The following RFX4 variants were observed in gnomAD, a reference collection of about 807,000 sequenced individuals.
RFX4 encodes regulatory factor X4, also known as transcription factor RFX4.
In RFX4, 10 loss-of-function variants were observed where a neutral mutation model predicts 95.0. The observed-to-expected ratio is 0.11, with a 90% CI of 0.06 to 0.18. The LOEUF (loss-of-function observed/expected upper bound fraction) is 0.18, where lower values mean the gene tolerates loss of function less well. Ranked by LOEUF, RFX4 falls within the 10% of genes least tolerant of loss-of-function variation. RFX4 has a pLI of 1.00. For missense variants in RFX4, 640 were observed against 922.0 expected (o/e 0.69, Z 3.96); for synonymous variants, 321 against 340.7 (o/e 0.94, Z 0.64).
chr12:106,623,125 G>A (rs1393722541), intron 2 of RFX4, among the ~76,000 whole-genome samples: 2 of 143,620 alleles, frequency 1.4e-5, no homozygotes, highest in East Asian at 2.1e-4. Flanking sequence ...TGCAAGCTCC[G>A]CCTCCCGGGT....
chr12:106,657,910 A>G (rs1253931167), intron 4 of RFX4, among the ~76,000 whole-genome samples: 1 of 152,088 alleles, frequency 6.6e-6, no homozygotes, highest in Non-Finnish European at 1.5e-5. Flanking sequence ...CTATATATAG[A>G]TATATAGCTA....
At chr12:106,640,725 G>A (rs906969157) in intron 3 of RFX4, among the ~76,000 whole-genome samples, 2 of 151,342 alleles carry the variant, frequency 1.3e-5, no homozygotes, top group East Asian at 1.9e-4. Context: ...ATGAGGCATC[G>A]ATGTAAAGGA....
intron 8 of RFX4, among the ~76,000 whole-genome samples, chr12:106,698,448 T>A (rs1244158228): frequency 7.3e-5 from 11 of 150,304 alleles, no homozygotes; most frequent in South Asian, 2.1e-4. Context: ...CTGGCTAATT[T>A]AAAAAAAAAA....
At chr12:106,584,111 T>C (rs2039417266) in intron 1 of RFX4, among the ~76,000 whole-genome samples, 1 of 31,462 alleles carries the variant, frequency 3.2e-5, no homozygotes, top group South Asian at 1.2e-3. Flanking sequence ...CAAGAGCTGC[T>C]GGGCGTCAGT....
chr12:106,690,948 T>C (rs922246708), intron 7 of RFX4, among the ~76,000 whole-genome samples: 7 of 152,220 alleles, frequency 4.6e-5, no homozygotes, highest in African/African-American at 1.7e-4. Context: ...TTTCATTTCA[T>C]TTGCTTAATT....
rs183593033 is a variant in RFX4 at position 106,630,585 on chromosome 12, G to A, written c.131-8747G>A. 4.6e-4 allele frequency among the ~76,000 whole-genome samples: 70 copies of A among 152,326 alleles called. 3 individuals are homozygous for A. The East Asian group carries it at 0.011, about 23-fold the overall frequency. The stretch of plus-strand genomic sequence containing the variant: ...CGAGGCAAATGAGGGGAAATGAAAC[G>A]TTTGGCAGCCCCATGTTCCCAACAG... On this transcript the variant is annotated intron_variant, in intron 2 of 17. Transcript: ENST00000392842.
At chr12:106,729,240 T>C (rs534304967) in intron 13 of RFX4, among the ~76,000 whole-genome samples, 1 of 152,354 alleles carries the variant, frequency 6.6e-6, no homozygotes, top group East Asian at 1.9e-4. Flanking sequence ...TCTATCCATG[T>C]TGACTTTAGA....
chr12:106,698,633 T>C (rs1443200657), intron 8 of RFX4, among the ~76,000 whole-genome samples: 1 of 152,130 alleles, frequency 6.6e-6, no homozygotes, highest in Non-Finnish European at 1.5e-5. Context: ...CATAATGTCT[T>C]TCTCTTATTT....
intron 4 of RFX4, among the ~76,000 whole-genome samples, chr12:106,660,624 C>T (rs1396252628): frequency 1.3e-5 from 2 of 152,066 alleles, no homozygotes; most frequent in Non-Finnish European, 2.9e-5. Flanking sequence ...AGTTGCTTTC[C>T]AAGCATTTGT....
At chr12:106,643,632 C>T (rs1210041189) in intron 3 of RFX4, among the ~76,000 whole-genome samples, 1 of 151,974 alleles carries the variant, frequency 6.6e-6, no homozygotes, top group East Asian at 1.9e-4. Flanking sequence ...TTTGCTGTGG[C>T]TGCCGTGGGG....
intron 3 of RFX4, among the ~76,000 whole-genome samples, chr12:106,644,698 G>T (rs1157819333): frequency 6.6e-6 from 1 of 152,110 alleles, no homozygotes; most frequent in Non-Finnish European, 1.5e-5. Flanking sequence ...TTAAAGTGTT[G>T]ATGGGATTGC....
intron 3 of RFX4, among the ~76,000 whole-genome samples, chr12:106,644,926 C>G (rs1036198417): frequency 6.6e-6 from 1 of 152,138 alleles, no homozygotes; most frequent in Admixed American, 6.5e-5. Context: ...CACTAAGGCG[C>G]CCGCCACCCG....
chr12:106,622,987 T>C (rs2040215338), intron 2 of RFX4, among the ~76,000 whole-genome samples: 1 of 151,316 alleles, frequency 6.6e-6, no homozygotes. Flanking sequence ...TGGTAAGTGG[T>C]AGAGTTGAGA....
chr12:106,760,001 G>A (rs1195312477), intron 17 of RFX4, among the ~76,000 whole-genome samples: 1 of 152,118 alleles, frequency 6.6e-6, no homozygotes, highest in Non-Finnish European at 1.5e-5. Flanking sequence ...AGACTCCAGG[G>A]AGCAGCCATT....
At chr12:106,699,120 C>T (rs2041938879) in intron 8 of RFX4, among the ~76,000 whole-genome samples, 1 of 152,012 alleles carries the variant, frequency 6.6e-6, no homozygotes, top group South Asian at 2.1e-4. Context: ...ATTTTAATTC[C>T]ATTCAAAATA....
intron 2 of RFX4, among the ~76,000 whole-genome samples, chr12:106,627,879 C>G (rs756126294): frequency 6.6e-6 from 1 of 152,118 alleles, no homozygotes; most frequent in Non-Finnish European, 1.5e-5. Flanking sequence ...AAATGCCCTG[C>G]CAATAGCAGA....
At chr12:106,626,112 T>C (rs79001353) in intron 2 of RFX4, among the ~76,000 whole-genome samples, 122 of 152,340 alleles carry the variant, frequency 8.0e-4, no homozygotes, top group African/African-American at 2.8e-3. Context: ...ACTTAAGACC[T>C]TGCCACACCA....
At chr12:106,732,775 G>T (rs748068190) in intron 14 of RFX4, 149 bp from the exon 15 acceptor site, 3 of 600,000 alleles carry the variant, frequency 5.0e-6, no homozygotes, top group Non-Finnish European at 8.5e-6. Flanking sequence ...AAATTGCCTT[G>T]AGTGTCATGA....
Position 106,762,568 on chromosome 12 carries a change from G to A in RFX4, c.*1099G>A, listed in dbSNP as rs1248016828. 6.6e-6 allele frequency: 1 copy of A among 152,440 alleles called. No homozygotes were observed. Among genetic ancestry groups the A allele is most frequent in the Non-Finnish European group, 1.5e-5 (1 of 68,014 alleles). 9.4% of individuals were successfully genotyped at this position (152,440 alleles called of 1,614,324 possible). A position where few individuals can be genotyped will look rare whatever the true frequency, so the allele number is the denominator to read the frequency against. On this transcript the variant is annotated 3_prime_UTR_variant, in exon 18 of 18. Transcript: ENST00000392842. ...TGAGGTTTGTTAGAGATTAATATAG[G>A]TTTTCTTTCTGTATTATAAAATGCA...
Sources: gnomAD v4.1 joint callset for allele counts (sites outside exome capture counted in the v4.1 genomes callset) on GRCh38, gnomAD v4.1.1 for gene constraint, MANE v1.5 for transcripts, NCBI Gene and HGNC (gene_info 2026-07-23, HGNC 2026-07-21) for gene names.